The following CA12 variants were observed in gnomAD, a reference collection of about 807,000 sequenced individuals.
CA12 encodes carbonic anhydrase 12.
CA12 carries 36 observed loss-of-function variants against 46.8 expected under a neutral mutation model. The ratio of observed to expected loss-of-function variants is 0.77; its 90% CI spans 0.59 to 1.02. CA12 has a LOEUF of 1.02. Among genes scored for constraint, CA12 ranks in the 50% least tolerant of loss-of-function variants. CA12 has a pLI of 0.00. For missense variants in CA12, 436 were observed against 451.4 expected (o/e 0.97, Z 0.31); for synonymous variants, 202 against 187.0 (o/e 1.08, Z -0.65).
At chr15:63,364,645 T>C (rs1452636078) in intron 2 of CA12, among the ~76,000 whole-genome samples, 1 of 152,226 alleles carries the variant, frequency 6.6e-6, no homozygotes, top group Non-Finnish European at 1.5e-5. Context: ...ATATGATATC[T>C]GCTCACTGAA....
rs1326120908 is a variant in CA12 at position 63,327,506 on chromosome 15, T to G, written c.908-273A>C. 1.3e-5 allele frequency among the ~76,000 whole-genome samples: 2 copies of G among 151,896 alleles called. No homozygotes were observed. Among genetic ancestry groups the G allele is most frequent in the African/African-American group, 2.4e-5 (1 of 41,326 alleles). ...AGCTTGTTTAAAATGTAGGGTTTTT[T>G]TTTTTTTTTTAGCCCAACCCCCAGA... On this transcript the variant is annotated intron_variant, in intron 9 of 10. Coordinates refer to ENST00000178638, the MANE Select transcript of CA12 (RefSeq NM_001218.5). The surrounding 1 kb of genome is among the most constrained non-coding windows in gnomAD (Gnocchi z 4.5).
chr15:63,334,748 C>T (rs1380373602), intron 8 of CA12, among the ~76,000 whole-genome samples: 1 of 152,176 alleles, frequency 6.6e-6, no homozygotes, highest in East Asian at 1.9e-4. Context: ...ATCTGCACCC[C>T]TGATAAAGGA....
Position 63,381,676 on chromosome 15 carries a change from C to T in CA12, c.45G>A (p.Val15=), listed in dbSNP as rs1408855600. Residue 15 remains valine (V), a synonymous_variant, in exon 1 of 11, where the codon GTG becomes GTA. Coordinates refer to ENST00000178638, the MANE Select transcript of CA12 (RefSeq NM_001218.5). ...GGCTGGAAGGCTGTTCCTTTAAGAT[C>T]ACCAGCAGGAGCACGGCCGCCGCGT... The part of the protein sequence containing the change: ...SLHAAAVLLL[V]ILKEQPSSPA... 2 of 1,611,062 alleles carry T rather than the reference C, an allele frequency of 1.2e-6. No homozygotes were observed. The highest frequency in any genetic ancestry group is 1.7e-6 in the Non-Finnish European group (2 of 1,178,828).
At chr15:63,337,176 G>C (rs1228651144) in intron 8 of CA12, among the ~76,000 whole-genome samples, 2 of 152,204 alleles carry the variant, frequency 1.3e-5, no homozygotes, top group Non-Finnish European at 2.9e-5. Context: ...AGAGGGAAAT[G>C]ATCTTAATTA....
intron 2 of CA12, among the ~76,000 whole-genome samples, chr15:63,367,475 G>A (rs1203747278): frequency 6.6e-6 from 1 of 152,182 alleles, no homozygotes; most frequent in African/African-American, 2.4e-5. Flanking sequence ...GGCCCCACTT[G>A]CCAATGCCAG....
intron 8 of CA12, among the ~76,000 whole-genome samples, chr15:63,334,688 A>G (rs898367404): frequency 1.2e-4 from 18 of 152,300 alleles, no homozygotes; most frequent in African/African-American, 4.3e-4. Flanking sequence ...CAAAAGGGAG[A>G]GAGAAAAAGA....
At chr15:63,363,918 T>C (rs1292873400) in intron 2 of CA12, among the ~76,000 whole-genome samples, 1 of 152,200 alleles carries the variant, frequency 6.6e-6, no homozygotes. Flanking sequence ...CCGGATGCGG[T>C]GGCTCACGCC....
intron 1 of CA12, 127 bp from the exon 2 acceptor site, chr15:63,375,805 CTTTTTCTTTTTTT>C (rs2039563171): frequency 3.2e-6 from 2 of 622,322 alleles, no homozygotes; most frequent in East Asian, 6.4e-5. Context: ...GAAACTTTTT[CTTTTTCTTTTTTT>C]TTTTTTTCAA....
rs762105003 is a variant in CA12 at position 63,346,597 on chromosome 15, G to A, written c.219C>T (p.Pro73=). The change falls in exon 3 of 11, where the codon CCC becomes CCT. Residue 73 remains proline, a synonymous_variant. Coordinates refer to ENST00000178638, the MANE Select transcript of CA12 (RefSeq NM_001218.5). The part of the protein sequence containing the change: ...DILQYDASLT[P]LEFQGYNLSA... ...ACAGATTGTAGCCTTGGAACTCGAG[G>A]GGCGTGAGGCTGGCGTCATACTGGA... 3.1e-6 allele frequency: 5 copies of A among 1,614,104 alleles called. No individual in the cohort carries two copies. The South Asian group carries it at 3.3e-5, about 11-fold the overall frequency.
rs962736921 is a variant in CA12, at chr15:63,353,103, A to G, written c.107-6394T>C. On this transcript the variant is annotated intron_variant, in intron 2 of 10. Transcript: ENST00000178638. ...TCTAGTCTCTGACCTTGCGGCACTC[A>G]CAGACCAGTGTAAGAGACTGATAAT... is the stretch of plus-strand genomic sequence containing the variant. 2.6e-5 allele frequency among the ~76,000 whole-genome samples: 4 copies of G among 152,288 alleles called. No individual in the cohort carries two copies. The East Asian group carries it at 5.8e-4, about 22-fold the overall frequency.
Position 63,323,244 on chromosome 15 carries a change from G to T in CA12, c.*3041C>A, listed in dbSNP as rs2038816918. 1 of 152,160 alleles carries T rather than the reference G, an allele frequency of 6.6e-6. No homozygotes were observed. Among genetic ancestry groups the T allele is most frequent in the South Asian group, 2.1e-4 (1 of 4,824 alleles). 9.4% of individuals were successfully genotyped at this position (152,160 alleles called of 1,614,324 possible). ...GTTCAAATCTGAGCTATTTGTTCAA[G>T]GTGCAGCTCCGATCCCACCTCCTCC... On this transcript the variant is annotated 3_prime_UTR_variant, in exon 11 of 11. Transcript: ENST00000178638. This position sits in a 1 kb window ranked among gnomAD's most constrained non-coding sequence, Gnocchi z 5.1.
At chr15:63,349,063 G>A (rs947272677) in intron 2 of CA12, among the ~76,000 whole-genome samples, 4 of 152,182 alleles carry the variant, frequency 2.6e-5, no homozygotes, top group African/African-American at 9.7e-5. Flanking sequence ...GGGGAGTCCA[G>A]AGAATGAGAT....
rs375182116 is a variant in CA12, at chr15:63,345,425, G to A, written c.429+52C>T. 1.0e-4 allele frequency: 167 copies of A among 1,597,884 alleles called. No homozygotes were observed. Among genetic ancestry groups the A allele is most frequent in the Non-Finnish European group, 1.3e-4 (151 of 1,178,110 alleles). The stretch of plus-strand genomic sequence containing the variant: ...TGCACAGCAGCCAGGTCGAGAAGGT[G>A]CCACACCACCCACTGCAGAGCAGCC... On this transcript the variant is annotated intron_variant, in intron 4 of 10. Transcript: ENST00000178638. The surrounding 1 kb of genome is among the most constrained non-coding windows in gnomAD (Gnocchi z 4.3).
intron 2 of CA12, among the ~76,000 whole-genome samples, chr15:63,354,195 G>A (rs149876108): frequency 1.4e-4 from 21 of 152,256 alleles, no homozygotes; most frequent in African/African-American, 2.4e-4. Flanking sequence ...TCAAACTAGC[G>A]TTAGAGTTTT....
Position 63,346,584 on chromosome 15 carries a change from C to G in CA12, c.232G>C (p.Gly78Arg). ...DASLTPLEFQ[G>R]YNLSANKQFL... ...TGCTTGTTGGCAGACAGATTGTAGC[C>G]TTGGAACTCGAGGGGCGTGAGGCTG... Residue 78 changes from glycine (G) to arginine (R), a missense_variant, in exon 3 of 11, where the codon GGC (glycine) becomes CGC (arginine). Physicochemically the swap from Gly to Arg is moderately radical, Grantham distance 125 (BLOSUM62 -2). Transcript: ENST00000178638. The G allele has an allele frequency of 6.2e-7, 1 of 1,613,524 alleles. No individual in the cohort carries two copies. The highest frequency in any genetic ancestry group is 8.5e-7 in the Non-Finnish European group (1 of 1,179,724).
chr15:63,330,792 A>G lies in CA12; in HGVS notation c.875-2662T>C, dbSNP rs533893091. On this transcript the variant is annotated intron_variant, in intron 8 of 10. Coordinates refer to ENST00000178638, the MANE Select transcript of CA12 (RefSeq NM_001218.5). The surrounding 1 kb of genome is among the most constrained non-coding windows in gnomAD (Gnocchi z 4.0). Reference sequence around the variant, plus strand: ...GTTCCTGTTGGAGGTCCTGTAAGCAACAGCATAGTTGAACCCAGTGCTGTG... The same window carrying G: ...GTTCCTGTTGGAGGTCCTGTAAGCAGCAGCATAGTTGAACCCAGTGCTGTG... 1.1e-4 allele frequency among the ~76,000 whole-genome samples: 17 copies of G among 152,324 alleles called. No individual in the cohort carries two copies. In the South Asian group the frequency reaches 3.1e-3, roughly 28 times the overall value.
chr15:63,364,187 G>T, intron 2 of CA12, among the ~76,000 whole-genome samples: 1 of 151,190 alleles, frequency 6.6e-6, no homozygotes, highest in South Asian at 2.1e-4. Flanking sequence ...CAAAAAAAAA[G>T]TGGGGGGGCG....
chr15:63,345,530 T>C lies in CA12; in HGVS notation c.376A>G (p.Asn126Asp). The C allele has an allele frequency of 6.2e-7, 1 of 1,612,778 alleles. No homozygotes were observed. The highest frequency in any genetic ancestry group is 1.7e-5 in the Admixed American group (1 of 60,016). ...GTGTGCTCAGAGCCGTGCGGGTCATTCGGGTTCCCCCAGTGCAGGTGCAGC... is the reference window on the plus strand; with the variant it reads ...GTGTGCTCAGAGCCGTGCGGGTCATCCGGGTTCCCCCAGTGCAGGTGCAGC... Reference protein sequence around the residue: ...TQLHLHWGNPNDPHGSEHTVS... With the variant: ...TQLHLHWGNPDDPHGSEHTVS... The change falls in exon 4 of 11, where the codon AAT (asparagine) becomes GAT (aspartate). Residue 126 changes from asparagine to aspartate, a missense_variant. Asn to Asp is a conservative substitution (Grantham distance 23). Transcript: ENST00000178638. The surrounding 1 kb of genome is among the most constrained non-coding windows in gnomAD (Gnocchi z 4.3).
At chr15:63,359,316 C>A (rs529332136) in intron 2 of CA12, among the ~76,000 whole-genome samples, 7 of 152,076 alleles carry the variant, frequency 4.6e-5, no homozygotes, top group Non-Finnish European at 1.0e-4. Flanking sequence ...AAAGCTCCCC[C>A]CAACCCTCTA....
Sources: gnomAD v4.1 joint callset for allele counts (sites outside exome capture counted in the v4.1 genomes callset) on GRCh38, gnomAD v4.1.1 for gene constraint, Gnocchi (gnomAD v3.1) non-coding constraint, MANE v1.5 for transcripts, NCBI Gene and HGNC (gene_info 2026-07-23, HGNC 2026-07-21) for gene names.